The following MACROD1 variants were observed in gnomAD, a reference collection of about 807,000 sequenced individuals.
MACROD1 encodes mono-ADP ribosylhydrolase 1.
A neutral mutation model predicts 41.4 loss-of-function variants in MACROD1; 31 were observed. The ratio of observed to expected loss-of-function variants is 0.75; its 90% CI spans 0.56 to 1.01. The LOEUF is 1.01. Among genes scored for constraint, MACROD1 ranks in the 50% least tolerant of loss-of-function variants. The probability of loss-of-function intolerance (pLI) is 0.00; values close to 1 mark genes in which losing one functional copy is unlikely to be tolerated. For synonymous variants in MACROD1, 252 were observed against 203.4 expected, an observed-to-expected ratio of 1.24 and a Z score of -2.03; for missense variants, 473 against 460.0, an observed-to-expected ratio of 1.03 and a Z score of -0.26.
At chr11:64,040,789 GA>G (rs1486279261) in intron 3 of MACROD1, among the ~76,000 whole-genome samples, 1 of 152,156 alleles carries the variant, frequency 6.6e-6, no homozygotes, top group Non-Finnish European at 1.5e-5. Flanking sequence ...CAGGCAGAGG[GA>G]GAAGGGAGTG....
intron 3 of MACROD1, among the ~76,000 whole-genome samples, chr11:64,141,167 G>C (rs1171684778): frequency 6.6e-6 from 1 of 152,174 alleles, no homozygotes; most frequent in Non-Finnish European, 1.5e-5. Context: ...ATCCACAGTA[G>C]ATGGGGCTAT....
rs1177842528 is a variant in MACROD1 at position 64,146,111 on chromosome 11, A to G, written c.517+5128T>C. Among the ~76,000 whole-genome samples, 2 of 152,196 alleles carry G rather than the reference A, an allele frequency of 1.3e-5. No individual in the cohort carries two copies. Among genetic ancestry groups the G allele is most frequent in the Admixed American group, 1.3e-4 (2 of 15,274 alleles). ...CTTTGTGCCCGGACATGTCCTGCCC[A>G]GGACTCTGCTATCTGTCAGGAACAA... On this transcript the variant is annotated intron_variant, in intron 3 of 10. Coordinates refer to ENST00000255681, the MANE Select transcript of MACROD1 (RefSeq NM_014067.4). This position sits in a 1 kb window ranked among gnomAD's most constrained non-coding sequence, Gnocchi z 4.7.
intron 1 of MACROD1, among the ~76,000 whole-genome samples, chr11:64,156,251 A>G (rs1240360192): frequency 6.6e-6 from 1 of 152,208 alleles, no homozygotes; most frequent in African/African-American, 2.4e-5. Flanking sequence ...ACTGCACTCC[A>G]GACTGCCCAA....
chr11:64,154,161 C>A (rs1362701935), intron 1 of MACROD1, among the ~76,000 whole-genome samples: 2 of 152,156 alleles, frequency 1.3e-5, no homozygotes, highest in Non-Finnish European at 2.9e-5. Flanking sequence ...AAGCAAGCAA[C>A]CTCCGGGGCT....
At chr11:64,132,489 A>G (rs1474808026) in intron 3 of MACROD1, among the ~76,000 whole-genome samples, 2 of 151,740 alleles carry the variant, frequency 1.3e-5, no homozygotes, top group Non-Finnish European at 2.9e-5. Flanking sequence ...GAGATTACAA[A>G]CCCAGGGTGA....
intron 3 of MACROD1, among the ~76,000 whole-genome samples, chr11:64,133,853 A>C (rs867703045): frequency 5.3e-5 from 8 of 152,208 alleles, no homozygotes; most frequent in African/African-American, 1.4e-4. Context: ...AATGACTGTT[A>C]CAGACTACAT....
Position 64,135,384 on chromosome 11 carries a change from G to A in MACROD1, c.517+15855C>T, listed in dbSNP as rs549994967. Among the ~76,000 whole-genome samples the A allele has an allele frequency of 5.3e-5, 8 of 152,256 alleles. No homozygotes were observed. The South Asian group carries it at 1.7e-3, about 32-fold the overall frequency. On this transcript the variant is annotated intron_variant, in intron 3 of 10. Coordinates refer to ENST00000255681, the MANE Select transcript of MACROD1 (RefSeq NM_014067.4). ...CTAAAGAGCAACCCCGGCCAGGGCC[G>A]CTCAGCTCTGGAGGTCACCATGTCC...
At chr11:64,045,341 T>C (rs1321755924) in intron 3 of MACROD1, among the ~76,000 whole-genome samples, 1 of 152,200 alleles carries the variant, frequency 6.6e-6, no homozygotes, top group Admixed American at 6.5e-5. Flanking sequence ...TTAAAAGCTT[T>C]TTCATTGTTC....
At position 64,070,192 on chromosome 11, in the gene MACROD1, G is replaced by A. The variant is rs530900309; in HGVS notation, c.518-54911C>T. Among the ~76,000 whole-genome samples, 5 of 152,270 alleles carry A rather than the reference G, an allele frequency of 3.3e-5. No individual in the cohort carries two copies. The East Asian group carries it at 9.7e-4, about 29-fold the overall frequency. ...CTCAGGGTCACACAGCTGGTTGGGC[G>A]ACAGAGATGTGAGGTGAATCCCTGC... is the stretch of plus-strand genomic sequence containing the variant. On this transcript the variant is annotated intron_variant, in intron 3 of 10. Transcript: ENST00000255681.
intron 3 of MACROD1, among the ~76,000 whole-genome samples, chr11:64,126,372 T>C (rs1945181199): frequency 6.6e-6 from 1 of 151,710 alleles, no homozygotes; most frequent in African/African-American, 2.4e-5. Flanking sequence ...GGTGGAGTGG[T>C]GTGTGGCGTC....
At chr11:64,127,559 A>C (rs938419394) in intron 3 of MACROD1, among the ~76,000 whole-genome samples, 64 of 152,278 alleles carry the variant, frequency 4.2e-4, no homozygotes, top group African/African-American at 1.5e-3. Context: ...ATCCCAACCA[A>C]AATGATTCCG....
At position 64,082,508 on chromosome 11, in the gene MACROD1, A is replaced by T. The variant is rs1421919207; in HGVS notation, c.518-67227T>A. ...CCAAGAGCTGGTCCCAGGGGGTGAA[A>T]CAAGGCTCGGTGCCTAACGGTGGTG... is the stretch of plus-strand genomic sequence containing the variant. On this transcript the variant is annotated intron_variant, in intron 3 of 10. Coordinates refer to ENST00000255681, the MANE Select transcript of MACROD1 (RefSeq NM_014067.4). The surrounding 1 kb of genome is among the most constrained non-coding windows in gnomAD (Gnocchi z 4.5). Among the ~76,000 whole-genome samples, 1 of 151,934 alleles carries T rather than the reference A, an allele frequency of 6.6e-6. No individual in the cohort carries two copies. Among genetic ancestry groups the T allele is most frequent in the African/African-American group, 2.4e-5 (1 of 41,352 alleles).
chr11:64,085,809 C>T (rs892338273), intron 3 of MACROD1, among the ~76,000 whole-genome samples: 5 of 152,136 alleles, frequency 3.3e-5, no homozygotes, highest in African/African-American at 7.2e-5. Flanking sequence ...CTGGGCAAGT[C>T]GGGGAATAAC....
chr11:63,999,710 C>T lies in MACROD1; in HGVS notation c.718G>A (p.Ala240Thr), dbSNP rs1220055380. The change falls in exon 6 of 11, where the codon GCT becomes ACT. Residue 240 changes from alanine to threonine, a missense_variant. Transcript: ENST00000255681. ...IAYGEPSASQ[A>T]AELRSCYLSS... ...AGGTAGCAGCTGCGGAGCTCGGCAG[C>T]CTGACTGGCGCTGGGCTCCCCGTAG... 6.8e-6 allele frequency: 11 copies of T among 1,608,896 alleles called. No homozygotes were observed. Among genetic ancestry groups the T allele is most frequent in the Non-Finnish European group, 9.3e-6 (11 of 1,179,322 alleles).
chr11:64,150,839 G>T (rs1352024094), intron 3 of MACROD1, among the ~76,000 whole-genome samples: 1 of 152,212 alleles, frequency 6.6e-6, no homozygotes, highest in Non-Finnish European at 1.5e-5. Flanking sequence ...CCCTCGACAA[G>T]CTCCCTCACC....
chr11:64,035,722 C>CTCT (rs1286760931), intron 3 of MACROD1, among the ~76,000 whole-genome samples: 438 of 1,532 alleles, frequency 0.29, 3 homozygotes, highest in African/African-American at 0.39. Context: ...CGTCCTCCTC[C>CTCT]CCCTCCCCTC....
chr11:64,066,887 G>C (rs905006518), intron 3 of MACROD1, among the ~76,000 whole-genome samples: 1 of 152,242 alleles, frequency 6.6e-6, no homozygotes, highest in African/African-American at 2.4e-5. Flanking sequence ...TGAAGAGCCA[G>C]GATTCAGGCT....
At chr11:64,050,461 C>T (rs1943672180) in intron 3 of MACROD1, among the ~76,000 whole-genome samples, 1 of 152,226 alleles carries the variant, frequency 6.6e-6, no homozygotes. Context: ...GGCACTGCTT[C>T]CACTCTGCCC....
At chr11:64,037,159 T>C (rs1943397575) in intron 3 of MACROD1, among the ~76,000 whole-genome samples, 1 of 152,162 alleles carries the variant, frequency 6.6e-6, no homozygotes, top group Admixed American at 6.5e-5. Flanking sequence ...GAGGGGTGAC[T>C]GAGAACAGCC....
Sources: gnomAD v4.1 joint callset for allele counts (sites outside exome capture counted in the v4.1 genomes callset) on GRCh38, gnomAD v4.1.1 for gene constraint, Gnocchi (gnomAD v3.1) non-coding constraint, MANE v1.5 for transcripts, NCBI Gene and HGNC (gene_info 2026-07-23, HGNC 2026-07-21) for gene names.